Variants in TENT5D observed in about 807,000 individuals in gnomAD.
The protein encoded by TENT5D is terminal nucleotidyltransferase 5D, also known as cancer/testis antigen 112.
For synonymous variants in TENT5D, 103 were observed against 100.6 expected (o/e 1.02, Z -0.15); for missense variants, 191 against 287.0 (o/e 0.67, Z 2.42).
At chrX:80,396,934 G>T (rs113300189) in intron 3 of TENT5D, among the ~76,000 whole-genome samples, 1 of 48,561 alleles carries the variant, frequency 2.1e-5, no homozygotes, top group Non-Finnish European at 4.2e-5. Flanking sequence ...CAGACGGGGC[G>T]GCTGGCCGGG....
chrX:80,372,747 C>T (rs970064297), intron 3 of TENT5D, among the ~76,000 whole-genome samples: 12 of 109,173 alleles, frequency 1.1e-4, no homozygotes, highest in Admixed American at 9.9e-5. Context: ...ACTATCCGAG[C>T]GTGGTGGCAC....
intron 3 of TENT5D, among the ~76,000 whole-genome samples, chrX:80,395,089 A>G (rs900843058): frequency 5.4e-5 from 6 of 111,477 alleles, no homozygotes; most frequent in African/African-American, 2.0e-4. Context: ...CAACTTTTTT[A>G]GATTTCACTT....
At chrX:80,385,055 G>T (rs940938992) in intron 3 of TENT5D, among the ~76,000 whole-genome samples, 6 of 110,900 alleles carry the variant, frequency 5.4e-5, no homozygotes, top group Admixed American at 9.6e-5. Flanking sequence ...TTTCTTCACA[G>T]AATTGGAAAA....
intron 3 of TENT5D, among the ~76,000 whole-genome samples, chrX:80,391,514 T>C (rs1444524866): frequency 8.9e-6 from 1 of 112,123 alleles, no homozygotes; most frequent in Non-Finnish European, 1.9e-5. Flanking sequence ...TAAATCATCA[T>C]GCATTCTTCA....
At chrX:80,356,759 AT>A (rs905885653) in intron 3 of TENT5D, among the ~76,000 whole-genome samples, 1 of 111,067 alleles carries the variant, frequency 9.0e-6, no homozygotes, top group Admixed American at 9.6e-5. Flanking sequence ...GAAGTTTTTT[AT>A]TTTTTTATTT....
At chrX:80,367,320 C>T (rs1250065096) in intron 3 of TENT5D, among the ~76,000 whole-genome samples, 1 of 111,269 alleles carries the variant, frequency 9.0e-6, no homozygotes, top group Non-Finnish European at 1.9e-5. Flanking sequence ...TTAAAATGGC[C>T]GTTATCCAAA....
intron 2 of TENT5D, among the ~76,000 whole-genome samples, chrX:80,340,074 A>G (rs1248875487): frequency 9.0e-6 from 1 of 111,229 alleles, no homozygotes; most frequent in Non-Finnish European, 1.9e-5. Context: ...AACATTTGCT[A>G]TTATTACAGA....
intron 1 of TENT5D, among the ~76,000 whole-genome samples, chrX:80,423,073 G>A (rs1357595416): frequency 1.8e-5 from 2 of 111,942 alleles, no homozygotes; most frequent in Non-Finnish European, 1.9e-5. Flanking sequence ...AGATTTCTCT[G>A]GCCAGCTTGC....
rs764038850 is a variant in TENT5D, at chrX:80,425,558, AATTGTC to A, written c.-142+4996_-142+5001del. ...TTTTTGAAGAGGATTAAAACAAGACAATTGTCTTAAATGACAAAATGATCAGGGTGT... is the reference window on the plus strand; with the variant it reads ...TTTTTGAAGAGGATTAAAACAAGACATTAAATGACAAAATGATCAGGGTGT... On this transcript the variant is annotated intron_variant, in intron 1 of 2. Coordinates refer to ENST00000308293, the Ensembl canonical transcript of TENT5D. Among the ~76,000 whole-genome samples the A allele has an allele frequency of 3.0e-3, 339 of 112,659 alleles. 2 individuals are homozygous for A. Among genetic ancestry groups the A allele is most frequent in the African/African-American group, 0.011 (332 of 31,085 alleles).
intron 1 of TENT5D, among the ~76,000 whole-genome samples, chrX:80,433,745 AT>A (rs1387010165): frequency 1.8e-5 from 2 of 111,936 alleles, no homozygotes; most frequent in Non-Finnish European, 3.8e-5. Flanking sequence ...CCACCTACAT[AT>A]AAGAATTTCA....
At chrX:80,346,855 T>C (rs1930073310) in intron 3 of TENT5D, among the ~76,000 whole-genome samples, 1 of 110,068 alleles carries the variant, frequency 9.1e-6, no homozygotes, top group African/African-American at 3.3e-5. Flanking sequence ...CAGGCCCTGG[T>C]GTGTGATGTT....
intron 2 of TENT5D, among the ~76,000 whole-genome samples, chrX:80,442,288 A>G (rs892175162): frequency 8.9e-6 from 1 of 111,897 alleles, no homozygotes; most frequent in African/African-American, 3.2e-5. Context: ...ACAACTCCAG[A>G]AAATTCCTGA....
exon 3 of TENT5D, chrX:80,443,691 A>G (rs1419947180): frequency 8.5e-7 from 1 of 1,182,254 alleles, no homozygotes; most frequent in Non-Finnish European, 1.1e-6. Context: ...ACTTTCGTGG[A>G]TCAAATGGTA....
rs1187455452 is a variant in TENT5D, at chrX:80,408,581, C to G, written c.-141-30029C>G. The stretch of plus-strand genomic sequence containing the variant: ...TGAATCTCTGAATAGACCAATAACA[C>G]GAGCTGAAATTGTGGCAATAATCAA... On this transcript the variant is annotated intron_variant, in intron 3 of 4. Transcript: ENST00000538312. Among the ~76,000 whole-genome samples, 450 of 110,270 alleles carry G rather than the reference C, an allele frequency of 4.1e-3. 1 individual carries two copies. The highest frequency in any genetic ancestry group is 6.5e-3 in the Non-Finnish European group (344 of 52,574).
chrX:80,418,243 G>A (rs1931815174), upstream of TENT5D, among the ~76,000 whole-genome samples: 1 of 109,896 alleles, frequency 9.1e-6, no homozygotes, highest in Non-Finnish European at 1.9e-5. Flanking sequence ...TCGAACTCCT[G>A]AGCTCAAGTG....
intron 2 of TENT5D, among the ~76,000 whole-genome samples, chrX:80,341,990 C>T (rs899177351): frequency 3.6e-5 from 4 of 110,591 alleles, no homozygotes; most frequent in Admixed American, 9.6e-5. Flanking sequence ...GGACTACAGG[C>T]GTGAGCCACC....
intron 3 of TENT5D, among the ~76,000 whole-genome samples, chrX:80,390,784 A>G (rs1931108628): frequency 8.9e-6 from 1 of 111,997 alleles, no homozygotes; most frequent in Non-Finnish European, 1.9e-5. Context: ...GGTGGAAGAC[A>G]AGATCATTTG....
intron 3 of TENT5D, among the ~76,000 whole-genome samples, chrX:80,381,090 T>C (rs982927598): frequency 3.6e-4 from 40 of 111,947 alleles, no homozygotes; most frequent in African/African-American, 1.2e-3. Flanking sequence ...TATGGAGTAG[T>C]TGGTACCAGT....
At chrX:80,389,824 G>T (rs1931092192) in intron 3 of TENT5D, among the ~76,000 whole-genome samples, 1 of 111,982 alleles carries the variant, frequency 8.9e-6, no homozygotes, top group African/African-American at 3.2e-5. Flanking sequence ...ACTTTACAAA[G>T]AGTATTTTTG....
Sources: allele counts gnomAD v4.1 joint callset (sites outside exome capture counted in the v4.1 genomes callset), GRCh38; gene constraint gnomAD v4.1.1; transcripts MANE v1.5; gene names NCBI Gene and HGNC (gene_info 2026-07-23, HGNC 2026-07-21).